The following PCDHA10 variants were observed in gnomAD, a reference collection of about 807,000 sequenced individuals.
The protein encoded by PCDHA10 is protocadherin alpha 10, also known as protocadherin alpha-10.
A neutral mutation model predicts 61.2 loss-of-function variants in PCDHA10; 45 were observed. That is an observed-to-expected ratio of 0.74 (90% CI 0.58 to 0.94). PCDHA10 has a LOEUF of 0.94. Ranked by LOEUF, PCDHA10 falls within the 40% of genes least tolerant of loss-of-function variation. PCDHA10 has a pLI of 0.00. For missense variants in PCDHA10, 1,278 were observed against 1,236.2 expected (o/e 1.03, Z -0.51); for synonymous variants, 602 against 548.8 (o/e 1.10, Z -1.35).
At chr5:141,007,395 C>CAAAAAAAAAAAAAAAAA (rs35800918) in intron 3 of PCDHA10, among the ~76,000 whole-genome samples, 5 of 94,868 alleles carry the variant, frequency 5.3e-5, no homozygotes, top group Non-Finnish European at 8.3e-5. Context: ...TACTAAAATA[C>CAAAAAAAAAAAAAAAAA]AAAAAAAAAA....
chr5:140,877,422 G>A (rs781813282), intron 1 of PCDHA10: 2 of 1,613,784 alleles, frequency 1.2e-6, no homozygotes, highest in Admixed American at 1.7e-5. Context: ...TGCTGGTGCT[G>A]GTGAAGGACC....
intron 1 of PCDHA10, chr5:140,882,890 C>T (rs2059348397): frequency 6.2e-7 from 1 of 1,614,060 alleles, no homozygotes; most frequent in East Asian, 2.2e-5. Flanking sequence ...AATTCAGGAA[C>T]ATAGTTTATT....
rs79307553 is a variant in PCDHA10, at chr5:140,974,500, T to G, written c.2389-4449T>G. ...ACCCAGAATTCTCAAATGTATTACC[T>G]TTGTGTTTTATTTTATTTTAGTTTT... is the stretch of plus-strand genomic sequence containing the variant. On this transcript the variant is annotated intron_variant, in intron 1 of 3. Transcript: ENST00000307360. 8.7e-3 allele frequency among the ~76,000 whole-genome samples: 1,326 copies of G among 152,308 alleles called. 23 individuals carry two copies. Among genetic ancestry groups the G allele is most frequent in the African/African-American group, 0.03 (1,239 of 41,564 alleles).
chr5:140,883,003 C>T, intron 1 of PCDHA10: 1 of 1,614,050 alleles, frequency 6.2e-7, no homozygotes, highest in East Asian at 2.2e-5. Flanking sequence ...TTTACCAATC[C>T]GTTTATAAAG....
At position 140,869,505 on chromosome 5, in the gene PCDHA10, G is replaced by A. The variant is rs376431150; in HGVS notation, c.2388+11069G>A. On this transcript the variant is annotated intron_variant, in intron 1 of 3. Coordinates refer to ENST00000307360, the MANE Select transcript of PCDHA10 (RefSeq NM_018901.4). ...TTAACGACAACCCGCCGGTGTTCTCGCTCAGAGAACAAAAGCTGCTGATTG... is the reference window on the plus strand; with the variant it reads ...TTAACGACAACCCGCCGGTGTTCTCACTCAGAGAACAAAAGCTGCTGATTG... 89 of 1,614,192 alleles carry A rather than the reference G, an allele frequency of 5.5e-5. No individual in the cohort carries two copies. In the African/African-American group the frequency reaches 1.1e-3, roughly 19 times the overall value.
intron 1 of PCDHA10, among the ~76,000 whole-genome samples, chr5:140,944,008 C>T (rs1253527034): frequency 1.3e-5 from 2 of 152,054 alleles, no homozygotes; most frequent in Non-Finnish European, 2.9e-5. Context: ...GAGTACCCCC[C>T]AAAAGCAATT....
At chr5:140,983,585 A>G (rs561693645) in intron 3 of PCDHA10, among the ~76,000 whole-genome samples, 18 of 152,338 alleles carry the variant, frequency 1.2e-4, no homozygotes, top group Non-Finnish European at 2.1e-4. Flanking sequence ...TATTACATCT[A>G]TTCTACATAT....
intron 1 of PCDHA10, among the ~76,000 whole-genome samples, chr5:140,914,496 C>A (rs782459538): frequency 1.2e-4 from 19 of 152,136 alleles, no homozygotes; most frequent in Non-Finnish European, 4.4e-5. Context: ...TTGTGGGCAA[C>A]AGATCATTGG....
At chr5:140,957,548 T>C (rs1554223015) in intron 1 of PCDHA10, among the ~76,000 whole-genome samples, 1 of 152,154 alleles carries the variant, frequency 6.6e-6, no homozygotes, top group Non-Finnish European at 1.5e-5. Flanking sequence ...GAAAGTATTC[T>C]CTGTGGAAAA....
intron 1 of PCDHA10, among the ~76,000 whole-genome samples, chr5:140,890,189 G>C (rs1262049301): frequency 1.3e-5 from 2 of 152,102 alleles, no homozygotes; most frequent in Non-Finnish European, 2.9e-5. Context: ...CTACAAAACA[G>C]AGTTTTTTGT....
intron 1 of PCDHA10, among the ~76,000 whole-genome samples, chr5:140,901,849 A>AT (rs1167488433): frequency 2.0e-5 from 3 of 151,932 alleles, no homozygotes; most frequent in Non-Finnish European, 4.4e-5. Context: ...ATATCTTTCC[A>AT]TTTTTTTGTG....
At chr5:140,903,597 T>C (rs1182384058) in intron 1 of PCDHA10, among the ~76,000 whole-genome samples, 1 of 152,218 alleles carries the variant, frequency 6.6e-6, no homozygotes, top group African/African-American at 2.4e-5. Flanking sequence ...GCCTGATAAA[T>C]GCTTAATACA....
At chr5:140,967,894 G>A (rs1586251835) in intron 1 of PCDHA10, 5 of 1,614,192 alleles carry the variant, frequency 3.1e-6, no homozygotes, top group Non-Finnish European at 3.4e-6. Context: ...CAGTGCCTGA[G>A]AATGCTACAC....
At chr5:140,875,922 T>A (rs1554168077) in intron 1 of PCDHA10, 1 of 1,614,200 alleles carries the variant, frequency 6.2e-7, no homozygotes, top group Admixed American at 1.7e-5. Flanking sequence ...CTCTGGACTC[T>A]CATTTTCCTC....
At position 140,890,629 on chromosome 5, in the gene PCDHA10, A is replaced by T. The variant is rs6883083; in HGVS notation, c.2388+32193A>T. On this transcript the variant is annotated intron_variant, in intron 1 of 3. Transcript: ENST00000307360. ...TAGTGCTTACCCTAGAAAATTAAGCATGTATCCTTGATATATCAAAATCAA... is the reference window on the plus strand; with the variant it reads ...TAGTGCTTACCCTAGAAAATTAAGCTTGTATCCTTGATATATCAAAATCAA... Among the ~76,000 whole-genome samples, 1,394 of 152,274 alleles carry T rather than the reference A, an allele frequency of 9.2e-3. 17 individuals are homozygous for T. Among genetic ancestry groups the T allele is most frequent in the African/African-American group, 0.032 (1,348 of 41,546 alleles).
intron 1 of PCDHA10, chr5:140,877,359 C>T: frequency 1.2e-6 from 2 of 1,614,010 alleles, no homozygotes; most frequent in South Asian, 1.1e-5. Context: ...TGTACACTGG[C>T]GAGATCAGCA....
At chr5:140,994,563 G>A (rs1554254253) in intron 3 of PCDHA10, among the ~76,000 whole-genome samples, 1 of 151,976 alleles carries the variant, frequency 6.6e-6, no homozygotes, top group Non-Finnish European at 1.5e-5. Flanking sequence ...AAATTAGCCG[G>A]GTGTGGTGGC....
intron 1 of PCDHA10, chr5:140,926,592 C>T: frequency 3.3e-6 from 1 of 298,858 alleles, no homozygotes; most frequent in Non-Finnish European, 6.1e-6. Flanking sequence ...CGCGCCCGGG[C>T]GGGCGGCCTC....
chr5:140,957,937 A>G (rs2095399590), intron 1 of PCDHA10, among the ~76,000 whole-genome samples: 1 of 152,112 alleles, frequency 6.6e-6, no homozygotes, highest in Admixed American at 6.5e-5. Flanking sequence ...AAATAATTTA[A>G]AGATCTTTAA....
Sources: allele counts gnomAD v4.1 joint callset (sites outside exome capture counted in the v4.1 genomes callset), GRCh38; gene constraint gnomAD v4.1.1; transcripts MANE v1.5; gene names NCBI Gene and HGNC (gene_info 2026-07-23, HGNC 2026-07-21).